The following KDM6B variants were observed in gnomAD, a reference collection of about 807,000 sequenced individuals.
KDM6B encodes the protein lysine-specific demethylase 6B.
In KDM6B, 22 loss-of-function variants were observed where a neutral mutation model predicts 150.4. The ratio of observed to expected loss-of-function variants is 0.15; its 90% CI spans 0.10 to 0.21. The LOEUF is 0.21. Among genes scored for constraint, KDM6B ranks in the 10% least tolerant of loss-of-function variants. The pLI, the probability that KDM6B is intolerant of heterozygous loss-of-function variation, is 1.00. For missense variants in KDM6B, 1,984 were observed against 2,234.3 expected, an observed-to-expected ratio of 0.89 and a Z score of 2.26; for synonymous variants, 1,148 against 921.1, an observed-to-expected ratio of 1.25 and a Z score of -4.46.
chr17:7,850,219 G>T (rs185077388), intron 14 of KDM6B, 42 bp downstream of exon 14: 1 of 1,528,240 alleles, frequency 6.5e-7, no homozygotes. Context: ...GGCTACAAGG[G>T]TCTGGGGCAT....
chr17:7,854,284 C>T lies in KDM6B; in HGVS notation c.*763C>T, dbSNP rs1410468716. 6.5e-6 allele frequency: 1 copy of T among 152,762 alleles called. No individual in the cohort carries two copies. The highest frequency in any genetic ancestry group is 1.5e-5 in the Non-Finnish European group (1 of 68,126). The allele number at this position is 152,762 out of a possible 1,614,324, so 9.5% of individuals were successfully genotyped here. On this transcript the variant is annotated 3_prime_UTR_variant, in exon 24 of 24. Transcript: ENST00000448097. ...TTCTCATGGTGCTCAAACCCGCTCC[C>T]CTCCCCTACGTCCTGCACTTTCTCG... is the stretch of plus-strand genomic sequence containing the variant.
Position 7,846,988 on chromosome 17 carries a change from G to T in KDM6B, c.881G>T (p.Arg294Leu). The stretch of plus-strand genomic sequence containing the variant: ...CATGGAGATGCCTGGGGCCCAGAGC[G>T]CAAGGGTTCAGCACCCCCAGAGCGC... ...TLHGDAWGPE[R>L]KGSAPPERQE... The change falls in exon 10 of 24, where the codon CGC becomes CTC. Residue 294 changes from arginine to leucine, a missense_variant. Transcript: ENST00000448097. 6.2e-7 allele frequency: 1 copy of T among 1,609,326 alleles called. No homozygotes were observed. The highest frequency in any genetic ancestry group is 1.7e-4 in the Middle Eastern group (1 of 6,034).
chr17:7,851,103 C>G lies in KDM6B; in HGVS notation c.3756C>G (p.Pro1252=), dbSNP rs761347429. The part of the protein sequence containing the change: ...TVEVRTQVQQ[P]SDENWDLTGT... ...AAGTTCGCACCCAGGTGCAGCAGCC[C>G]TCAGATGAGAACTGGGATCTGACAG... Residue 1252 remains proline, a synonymous_variant, in exon 15 of 24, where the codon CCC becomes CCG. Coordinates refer to ENST00000448097, the MANE Select transcript of KDM6B (RefSeq NM_001348716.2). The G allele has an allele frequency of 1.9e-6, 3 of 1,613,718 alleles. No individual in the cohort carries two copies. The South Asian group carries it at 3.3e-5, about 18-fold the overall frequency.
Position 7,849,726 on chromosome 17 carries a change from C to G in KDM6B, c.3438C>G (p.Ser1146Arg). Residue 1146 changes from serine to arginine, a missense_variant and splice_region_variant, in exon 12 of 24, where the codon AGC (serine) becomes AGG (arginine). Physicochemically the swap from Ser to Arg is moderately radical, Grantham distance 110. This residue lies in a region of KDM6B where 1,379 missense variants were observed against 1,275.6 expected (regional missense o/e 1.08). Coordinates refer to ENST00000448097, the MANE Select transcript of KDM6B (RefSeq NM_001348716.2). Reference sequence around the variant, plus strand: ...GTGCTGCTGACGTCGTGCGCGCCAGCAGGTGAGTCGGCTGCCTGCTTGCTT... The same window carrying G: ...GTGCTGCTGACGTCGTGCGCGCCAGGAGGTGAGTCGGCTGCCTGCTTGCTT... ...SHCAADVVRA[S>R]RNAKVKGKFR... is the part of the protein sequence containing the mutation. 1 of 1,612,126 alleles carries G rather than the reference C, an allele frequency of 6.2e-7. No individual in the cohort carries two copies. The highest frequency in any genetic ancestry group is 8.5e-7 in the Non-Finnish European group (1 of 1,179,972).
chr17:7,851,247 G>A, intron 15 of KDM6B, 21 bp downstream of exon 15: 1 of 1,613,942 alleles, frequency 6.2e-7, no homozygotes, highest in Non-Finnish European at 8.5e-7. Flanking sequence ...AACGTGGCCA[G>A]AGGCAGGTCC....
intron 1 of KDM6B, among the ~76,000 whole-genome samples, chr17:7,838,747 T>C (rs1449955361): frequency 6.6e-6 from 1 of 151,484 alleles, no homozygotes; most frequent in East Asian, 2.0e-4. Flanking sequence ...AGATACACAC[T>C]CTCTGCTCCC....
intron 1 of KDM6B, among the ~76,000 whole-genome samples, chr17:7,838,559 CTG>C (rs1250242638): frequency 7.9e-6 from 1 of 126,304 alleles, no homozygotes; most frequent in Non-Finnish European, 1.7e-5. Context: ...CTTTAAATGG[CTG>C]TTAGCCCCTC....
At chr17:7,836,417 A>G (rs1234896936) in intron 1 of KDM6B, among the ~76,000 whole-genome samples, 4 of 152,156 alleles carry the variant, frequency 2.6e-5, no homozygotes, top group African/African-American at 9.6e-5. Flanking sequence ...CCGCCCTGGA[A>G]CAGCGCGGGG....
chr17:7,846,454 C>G lies in KDM6B; in HGVS notation c.511C>G (p.Pro171Ala). 1 of 1,613,602 alleles carries G rather than the reference C, an allele frequency of 6.2e-7. No homozygotes were observed. Among genetic ancestry groups the G allele is most frequent in the Non-Finnish European group, 8.5e-7 (1 of 1,179,904 alleles). The change falls in exon 8 of 24, where the codon CCC (proline) becomes GCC (alanine). Residue 171 changes from proline (P) to alanine (A), a missense_variant. Around this residue, in one of 13 missense-constraint regions of KDM6B, gnomAD observed 337 missense variants for 323.9 expected, o/e 1.04. Coordinates refer to ENST00000448097, the MANE Select transcript of KDM6B (RefSeq NM_001348716.2). ...GSCQHRAKVLPPLEQVWNLLH... is the reference protein window; with the variant it reads ...GSCQHRAKVLAPLEQVWNLLH... The stretch of plus-strand genomic sequence containing the variant: ...CTGCCAGCACCGAGCCAAGGTCCTG[C>G]CCCCACTGGAGCAAGTGTGGAACTT...
intron 5 of KDM6B, 33 bp from the exon 6 acceptor site, chr17:7,845,839 T>C: frequency 6.2e-7 from 1 of 1,603,118 alleles, no homozygotes; most frequent in Non-Finnish European, 8.5e-7. Context: ...CTGCTCCTTT[T>C]TGCCGTATAT....
In KDM6B at chr17:7,853,256, G is replaced by A; in HGVS notation, c.4784G>A (p.Arg1595His). 6.2e-7 allele frequency: 1 copy of A among 1,610,384 alleles called. No homozygotes were observed. The highest frequency in any genetic ancestry group is 8.5e-7 in the Non-Finnish European group (1 of 1,178,722). The part of the protein sequence containing the change: ...ILFVTSENGS[R>H]NTYLVHCEGC... Reference sequence around the variant, plus strand: ...TTCGTGACAAGTGAGAATGGCAGCCGCAACACGTACCTGGTACACTGCGAG... The same window carrying A: ...TTCGTGACAAGTGAGAATGGCAGCCACAACACGTACCTGGTACACTGCGAG... Residue 1595 changes from arginine (R) to histidine (H), a missense_variant, in exon 23 of 24, where the codon CGC becomes CAC. By Grantham distance (29) the Arg-to-His change is conservative (BLOSUM62 0). Around this residue, in one of 13 missense-constraint regions of KDM6B, gnomAD observed 58 missense variants for 76.4 expected, o/e 0.76. Transcript: ENST00000448097.
At chr17:7,840,067 T>A (rs2078391314) in intron 2 of KDM6B, 43 bp downstream of exon 2, 1 of 152,590 alleles carries the variant, frequency 6.6e-6, no homozygotes, top group Non-Finnish European at 1.5e-5. Context: ...GCAGTCTAAC[T>A]CTGCACCACA....
At chr17:7,837,196 C>T (rs79836724) in intron 1 of KDM6B, among the ~76,000 whole-genome samples, 86 of 152,288 alleles carry the variant, frequency 5.6e-4, no homozygotes, top group Admixed American at 4.1e-3. Context: ...TTTACTTTCC[C>T]ACCTGCTGCA....
chr17:7,838,506 T>C (rs1419848647), intron 1 of KDM6B, among the ~76,000 whole-genome samples: 1 of 8,646 alleles, frequency 1.2e-4, no homozygotes, highest in Admixed American at 1.2e-3. Flanking sequence ...AGCCTCCGGC[T>C]TGGGGCCAGG....
intron 1 of KDM6B, among the ~76,000 whole-genome samples, chr17:7,837,836 T>C (rs942643567): frequency 6.6e-6 from 1 of 152,196 alleles, no homozygotes; most frequent in South Asian, 2.1e-4. Flanking sequence ...ATTATTGCTG[T>C]GGGTCTGCTC....
rs2078389441 is a variant in KDM6B, at chr17:7,839,929, G to C, written c.-364G>C. The C allele has an allele frequency of 6.6e-6, 1 of 152,590 alleles. No homozygotes were observed. The highest frequency in any genetic ancestry group is 1.5e-5 in the Non-Finnish European group (1 of 68,036). The allele number at this position is 152,590 out of a possible 1,614,324, so 9.5% of individuals were successfully genotyped here. A position where few individuals can be genotyped will look rare whatever the true frequency, so the allele number is the denominator to read the frequency against. On this transcript the variant is annotated 5_prime_UTR_variant, in exon 2 of 24. Coordinates refer to ENST00000448097, the MANE Select transcript of KDM6B (RefSeq NM_001348716.2). ...AGGTTCCCCCCAGGGCAACATGCCA[G>C]CCCCGTAGCACTGCCCACCCCACCC...
chr17:7,847,924 C>T lies in KDM6B; in HGVS notation c.1636C>T (p.Pro546Ser). Residue 546 changes from proline to serine, a missense_variant, in exon 12 of 24, where the codon CCC becomes TCC. Pro to Ser is a moderately conservative substitution (Grantham distance 74). Coordinates refer to ENST00000448097, the MANE Select transcript of KDM6B (RefSeq NM_001348716.2). ...GTQDSHTPPT[P>S]PTPTTSSSNS... Reference sequence around the variant, plus strand: ...TCAGGATTCTCACACCCCTCCCACTCCCCCAACCCCAACCACCAGCAGTAG... The same window carrying T: ...TCAGGATTCTCACACCCCTCCCACTTCCCCAACCCCAACCACCAGCAGTAG... The T allele has an allele frequency of 6.2e-7, 1 of 1,610,304 alleles. No homozygotes were observed. Among genetic ancestry groups the T allele is most frequent in the Non-Finnish European group, 8.5e-7 (1 of 1,178,248 alleles).
chr17:7,852,601 C>T lies in KDM6B; in HGVS notation c.4575C>T (p.Val1525=). Residue 1525 remains valine, a synonymous_variant, in exon 21 of 24, where the codon GTC becomes GTT. Transcript: ENST00000448097. ...TGTCATGGAACGTGGCTCGCACGGTCAAAATCAGCGACCCCGACTTGTTCA... is the reference window on the plus strand; with the variant it reads ...TGTCATGGAACGTGGCTCGCACGGTTAAAATCAGCGACCCCGACTTGTTCA... ...IHVSWNVART[V]KISDPDLFKM... 6.2e-7 allele frequency: 1 copy of T among 1,613,792 alleles called. No homozygotes were observed. The highest frequency in any genetic ancestry group is 8.5e-7 in the Non-Finnish European group (1 of 1,179,956).
At position 7,847,582 on chromosome 17, in the gene KDM6B, G is replaced by A. The variant is rs920220311; in HGVS notation, c.1294G>A (p.Val432Ile). 4 of 1,612,754 alleles carry A rather than the reference G, an allele frequency of 2.5e-6. No homozygotes were observed. In the African/African-American group the frequency reaches 4.0e-5, roughly 16 times the overall value. The change falls in exon 12 of 24, where the codon GTC becomes ATC. Residue 432 changes from valine (V) to isoleucine (I), a missense_variant. This residue lies in a region of KDM6B where 1,379 missense variants were observed against 1,275.6 expected (regional missense o/e 1.08). Coordinates refer to ENST00000448097, the MANE Select transcript of KDM6B (RefSeq NM_001348716.2). ...ADHYQTPALE[V>I]SHHGRLGPSA... is the part of the protein sequence containing the mutation. ...CCATTACCAAACTCCCGCGCTGGAGGTCTCTCACCATGGCCGCCTGGGGCC... is the reference window on the plus strand; with the variant it reads ...CCATTACCAAACTCCCGCGCTGGAGATCTCTCACCATGGCCGCCTGGGGCC...
Sources: gnomAD v4.1 joint callset for allele counts (sites outside exome capture counted in the v4.1 genomes callset) on GRCh38, gnomAD v4.1.1 for gene constraint, gnomAD v4.1.1 regional missense constraint, MANE v1.5 for transcripts, NCBI Gene and HGNC (gene_info 2026-07-23, HGNC 2026-07-21) for gene names.